The following RNASEL variants were observed in gnomAD, a reference collection of about 807,000 sequenced individuals.
The protein encoded by RNASEL is 2-5A-dependent ribonuclease.
A neutral mutation model predicts 50.9 loss-of-function variants in RNASEL; 36 were observed. The ratio of observed to expected loss-of-function variants is 0.71; its 90% CI spans 0.54 to 0.93. The LOEUF is 0.93. Among genes scored for constraint, RNASEL ranks in the 40% least tolerant of loss-of-function variants. RNASEL has a pLI of 0.00. For missense variants in RNASEL, 860 were observed against 894.5 expected, an observed-to-expected ratio of 0.96 and a Z score of 0.49; for synonymous variants, 335 against 335.6, an observed-to-expected ratio of 1.00 and a Z score of 0.02.
intron 2 of RNASEL, among the ~76,000 whole-genome samples, chr1:182,584,868 G>T (rs1292878932): frequency 1.3e-5 from 2 of 152,136 alleles, no homozygotes; most frequent in Non-Finnish European, 2.9e-5. Flanking sequence ...CCTTCCCTTT[G>T]TTTGGCTTGG....
chr1:182,587,805 CTATT>C (rs1661629766), intron 1 of RNASEL, among the ~76,000 whole-genome samples: 1 of 152,158 alleles, frequency 6.6e-6, no homozygotes, highest in Non-Finnish European at 1.5e-5. Flanking sequence ...CCCTGTGCCC[CTATT>C]TAAAGTACAG....
In RNASEL at chr1:182,586,815, A is replaced by G; in HGVS notation, c.-9T>C. On this transcript the variant is annotated 5_prime_UTR_variant, in exon 2 of 7. Coordinates refer to ENST00000367559, the MANE Select transcript of RNASEL (RefSeq NM_021133.4). ...TGATCCCTGCTCTCCATGACGGTAA[A>G]TGCCACCTGCTACCACTTTTAGCCT... The G allele has an allele frequency of 6.2e-7, 1 of 1,614,014 alleles. No homozygotes were observed. The highest frequency in any genetic ancestry group is 1.3e-5 in the African/African-American group (1 of 75,052).
Position 182,575,221 on chromosome 1 carries a change from A to G in RNASEL, c.*171T>C. The G allele has an allele frequency of 1.5e-6, 1 of 669,440 alleles. No homozygotes were observed. The highest frequency in any genetic ancestry group is 2.3e-5 in the Admixed American group (1 of 42,984). The allele number at this position is 669,440 out of a possible 1,614,324, so 41.5% of individuals were successfully genotyped here. A position where few individuals can be genotyped will look rare whatever the true frequency, so the allele number is the denominator to read the frequency against. On this transcript the variant is annotated 3_prime_UTR_variant, in exon 7 of 7. Transcript: ENST00000367559. ...TTATGGACTAGTGTAGTCTGGGTAT[A>G]TATTGCTTTTGTTATAGACATATGG...
At chr1:182,575,679 T>C in intron 6 of RNASEL, 101 bp from the exon 7 acceptor site, 1 of 1,469,680 alleles carries the variant, frequency 6.8e-7, no homozygotes, top group East Asian at 2.4e-5. Flanking sequence ...TTGATTTCTA[T>C]TGCAGAATGA....
At chr1:182,575,666 CGCTT>C (rs1194742979) in intron 6 of RNASEL, 88 bp from the exon 7 acceptor site, 21 of 1,521,650 alleles carry the variant, frequency 1.4e-5, no homozygotes. Context: ...TCTCTTTGCT[CGCTT>C]GATTTCTATT....
chr1:182,576,113 C>T, intron 6 of RNASEL, 143 bp downstream of exon 6: 1 of 745,652 alleles, frequency 1.3e-6, no homozygotes, highest in South Asian at 1.9e-5. Context: ...CAGTGATAGC[C>T]CTTTTACACA....
Position 182,586,910 on chromosome 1 carries a change from C to A in RNASEL, c.-104G>T, listed in dbSNP as rs1436037595. On this transcript the variant is annotated 5_prime_UTR_variant, in exon 2 of 7. Transcript: ENST00000367559. ...GAAGCTTTGAGTGTAAATTGGGATT[C>A]TCTGGCAACAGAGCAGCAGTATGAA... 24 of 1,461,128 alleles carry A rather than the reference C, an allele frequency of 1.6e-5. No individual in the cohort carries two copies. The highest frequency in any genetic ancestry group is 2.2e-5 in the Non-Finnish European group (23 of 1,050,440). The allele number at this position is 1,461,128 out of a possible 1,614,324, so 90.5% of individuals were successfully genotyped here. A position where few individuals can be genotyped will look rare whatever the true frequency, so the allele number is the denominator to read the frequency against.
chr1:182,582,116 C>G lies in RNASEL; in HGVS notation c.1709G>C (p.Gly570Ala). 6.2e-7 allele frequency: 1 copy of G among 1,614,190 alleles called. No individual in the cohort carries two copies. The highest frequency in any genetic ancestry group is 8.5e-7 in the Non-Finnish European group (1 of 1,180,028). Residue 570 changes from glycine to alanine, a missense_variant, in exon 4 of 7, where the codon GGG (glycine) becomes GCG (alanine). Gly to Ala is a moderately conservative substitution (Grantham distance 60). Transcript: ENST00000367559. The stretch of plus-strand genomic sequence containing the variant: ...ACTCAGACAGTCCCTCACATGTTCC[C>G]CAGGATGGAAGAGACGATGAATGAG... Reference protein sequence around the residue: ...KDLIHRLFHPGEHVRDCLSDL... With the variant: ...KDLIHRLFHPAEHVRDCLSDL...
Position 182,585,572 on chromosome 1 carries a change from C to T in RNASEL, c.1235G>A (p.Arg412Gln), listed in dbSNP as rs1474952281. 2.5e-6 allele frequency: 4 copies of T among 1,614,192 alleles called. No individual in the cohort carries two copies. The highest frequency in any genetic ancestry group is 2.2e-5 in the East Asian group (1 of 44,884). The stretch of plus-strand genomic sequence containing the variant: ...GAATGTCACCAAGTGACTGTTCTCT[C>T]GGCTGCTTTGCAGACAAGAGACTTC... ...QREVSCLQSS[R>Q]ENSHLVTFYG... Residue 412 changes from arginine to glutamine, a missense_variant, in exon 2 of 7, where the codon CGA (arginine) becomes CAA (glutamine). Arg to Gln is a conservative substitution (Grantham distance 43, BLOSUM62 1). Coordinates refer to ENST00000367559, the MANE Select transcript of RNASEL (RefSeq NM_021133.4).
chr1:182,576,586 G>A (rs1482586299), intron 5 of RNASEL, among the ~76,000 whole-genome samples, 197 bp from the exon 6 acceptor site: 2 of 152,088 alleles, frequency 1.3e-5, no homozygotes, highest in African/African-American at 4.8e-5. Context: ...TTGTGTCTGG[G>A]CTGGGTGGGG....
At position 182,582,126 on chromosome 1, in the gene RNASEL, A is replaced by G. The variant is rs754488569; in HGVS notation, c.1699T>C (p.Phe567Leu). The change falls in exon 4 of 7, where the codon TTC becomes CTC. Residue 567 changes from phenylalanine (F) to leucine (L), a missense_variant. Physicochemically the swap from Phe to Leu is conservative, Grantham distance 22 (BLOSUM62 0). Transcript: ENST00000367559. ...EETKDLIHRL[F>L]HPGEHVRDCL... is the part of the protein sequence containing the mutation. The stretch of plus-strand genomic sequence containing the variant: ...TCCCTCACATGTTCCCCAGGATGGA[A>G]GAGACGATGAATGAGGTCCTTAGTT... 89 of 1,614,102 alleles carry G rather than the reference A, an allele frequency of 5.5e-5. No homozygotes were observed. The highest frequency in any genetic ancestry group is 7.3e-5 in the Non-Finnish European group (86 of 1,180,048).
rs1311699900 is a variant in RNASEL, at chr1:182,575,026, GGTTCCTCA to G, written c.*358_*365del. ...AGTAGCTCACACTCTCTGAGTCTCA[GGTTCCTCA>G]GTTCTTAAATGGGGATGATAATCCC... is the stretch of plus-strand genomic sequence containing the variant. On this transcript the variant is annotated 3_prime_UTR_variant, in exon 7 of 7. Transcript: ENST00000367559. The G allele has an allele frequency of 8.4e-6, 3 of 357,184 alleles. No homozygotes were observed. Among genetic ancestry groups the G allele is most frequent in the African/African-American group, 6.2e-5 (3 of 48,700 alleles). 22.1% of individuals were successfully genotyped at this position (357,184 alleles called of 1,614,324 possible). A position where few individuals can be genotyped will look rare whatever the true frequency, so the allele number is the denominator to read the frequency against.
At chr1:182,580,817 A>G (rs564984479) in intron 5 of RNASEL, among the ~76,000 whole-genome samples, 1 of 152,374 alleles carries the variant, frequency 6.6e-6, no homozygotes, top group Admixed American at 6.5e-5. Context: ...GTTTACAGGC[A>G]GTGGAGGCAG....
chr1:182,575,190 T>A lies in RNASEL; in HGVS notation c.*202A>T. Reference sequence around the variant, plus strand: ...GCAGAATGTCCTCCCAGTTAGTGGGTAAAGCTTATGGACTAGTGTAGTCTG... The same window carrying A: ...GCAGAATGTCCTCCCAGTTAGTGGGAAAAGCTTATGGACTAGTGTAGTCTG... On this transcript the variant is annotated 3_prime_UTR_variant, in exon 7 of 7. Coordinates refer to ENST00000367559, the MANE Select transcript of RNASEL (RefSeq NM_021133.4). 3.4e-6 allele frequency: 2 copies of A among 594,688 alleles called. No homozygotes were observed. 36.8% of individuals were successfully genotyped at this position (594,688 alleles called of 1,614,324 possible). A position where few individuals can be genotyped will look rare whatever the true frequency, so the allele number is the denominator to read the frequency against.
Position 182,586,902 on chromosome 1 carries a change from T to C in RNASEL, c.-96A>G, listed in dbSNP as rs1661612422. On this transcript the variant is annotated 5_prime_UTR_variant, in exon 2 of 7. Coordinates refer to ENST00000367559, the MANE Select transcript of RNASEL (RefSeq NM_021133.4). ...TAATCAAAGAAGCTTTGAGTGTAAA[T>C]TGGGATTCTCTGGCAACAGAGCAGC... The C allele has an allele frequency of 8.5e-6, 13 of 1,526,012 alleles. No homozygotes were observed. Among genetic ancestry groups the C allele is most frequent in the Non-Finnish European group, 1.1e-5 (12 of 1,108,058 alleles). The allele number at this position is 1,526,012 out of a possible 1,614,324, so 94.5% of individuals were successfully genotyped here.
At chr1:182,584,627 G>T (rs1661557683) in intron 2 of RNASEL, among the ~76,000 whole-genome samples, 1 of 152,110 alleles carries the variant, frequency 6.6e-6, no homozygotes, top group Admixed American at 6.5e-5. Flanking sequence ...ATTGCACTTA[G>T]ACCTCATAAC....
intron 3 of RNASEL, 54 bp downstream of exon 3, chr1:182,584,027 A>G (rs1661546508): frequency 7.4e-7 from 1 of 1,342,460 alleles, no homozygotes; most frequent in African/African-American, 1.4e-5. Context: ...TGACTACTAC[A>G]TGAAAGAATA....
Position 182,575,657 on chromosome 1 carries a change from C to G in RNASEL, c.2040-79G>C, listed in dbSNP as rs139026705. ...CTTCACAGCATATGGCCCTGAAGAT[C>G]TCTTTGCTCGCTTGATTTCTATTGC... On this transcript the variant is annotated intron_variant, in intron 6 of 6. Transcript: ENST00000367559. 3.0e-4 allele frequency: 459 copies of G among 1,555,316 alleles called. 4 individuals carry two copies. The African/African-American group carries it at 5.6e-3, about 19-fold the overall frequency.
Position 182,586,901 on chromosome 1 carries a change from A to G in RNASEL, c.-95T>C, listed in dbSNP as rs3738579. On this transcript the variant is annotated 5_prime_UTR_variant, in exon 2 of 7. Transcript: ENST00000367559. ...TTAATCAAAGAAGCTTTGAGTGTAA[A>G]TTGGGATTCTCTGGCAACAGAGCAG... 0.33 allele frequency: 504,668 copies of G among 1,539,808 alleles called. 86,593 individuals are homozygous for G. Among genetic ancestry groups the G allele is most frequent in the Non-Finnish European group, 0.36 (397,837 of 1,120,500 alleles).
Sources: gnomAD v4.1 joint callset for allele counts (sites outside exome capture counted in the v4.1 genomes callset) on GRCh38, gnomAD v4.1.1 for gene constraint, MANE v1.5 for transcripts, NCBI Gene and HGNC (gene_info 2026-07-23, HGNC 2026-07-21) for gene names.